The following BCL11A variants were observed in gnomAD, a reference collection of about 807,000 sequenced individuals.
The protein encoded by BCL11A is BCL11 transcription factor A, also known as B cell CLL/lymphoma 11A.
BCL11A carries 2 observed loss-of-function variants against 55.9 expected under a neutral mutation model. The observed-to-expected ratio is 0.04, with a 90% CI of 0.01 to 0.11. The LOEUF (loss-of-function observed/expected upper bound fraction) is 0.11. BCL11A is among the 10% of genes least tolerant of loss of function. BCL11A has a pLI of 1.00. For synonymous variants in BCL11A, 465 were observed against 473.4 expected, an observed-to-expected ratio of 0.98 and a Z score of 0.23; for missense variants, 817 against 1,137.1, an observed-to-expected ratio of 0.72 and a Z score of 4.05.
intron 2 of BCL11A, among the ~76,000 whole-genome samples, chr2:60,515,393 AT>A (rs1031019452): frequency 1.3e-5 from 2 of 152,210 alleles, no homozygotes; most frequent in African/African-American, 4.8e-5. Context: ...ATGAACCAGC[AT>A]TATGTTAGGC....
chr2:60,461,781 C>T lies in BCL11A; in HGVS notation c.1131G>A (p.Lys377=). The T allele has an allele frequency of 6.4e-7, 1 of 1,564,420 alleles. No homozygotes were observed. Among genetic ancestry groups the T allele is most frequent in the Non-Finnish European group, 8.7e-7 (1 of 1,153,034 alleles). ...ACGTCTTGCCGCAGAACTCGCATGA[C>T]TTGGACTTGACCGGGGGCTGGGAGG... ...PPPSQPPVKS[K]SCEFCGKTFK... Residue 377 remains lysine, a synonymous_variant, in exon 4 of 4, where the codon AAG becomes AAA. Transcript: ENST00000642384.
intron 2 of BCL11A, among the ~76,000 whole-genome samples, chr2:60,487,827 T>C (rs1678369713): frequency 6.6e-6 from 1 of 152,208 alleles, no homozygotes; most frequent in Non-Finnish European, 1.5e-5. Context: ...GAACCTTTAA[T>C]GGGAAATCTG....
intron 2 of BCL11A, among the ~76,000 whole-genome samples, chr2:60,511,736 G>C (rs1325647162): frequency 6.6e-6 from 1 of 152,192 alleles, no homozygotes; most frequent in Non-Finnish European, 1.5e-5. Context: ...GTTGAAATAA[G>C]TTGAAAATGC....
Position 60,465,350 on chromosome 2 carries a change from T to G in BCL11A, c.488-2926A>C, listed in dbSNP as rs117766994. Among the ~76,000 whole-genome samples the G allele has an allele frequency of 5.4e-4, 82 of 152,372 alleles. 2 individuals carry two copies. The East Asian group carries it at 0.013, about 23-fold the overall frequency. On this transcript the variant is annotated intron_variant, in intron 3 of 3. Coordinates refer to ENST00000642384, the MANE Select transcript of BCL11A (RefSeq NM_022893.4). ...TAATAATATTCTTCATTTACTCTGA[T>G]GAAAATCAACTTCTCAATTTGAGAG...
Position 60,546,081 on chromosome 2 carries a change from A to G in BCL11A, c.275T>C (p.Met92Thr). The change falls in exon 2 of 4, where the codon ATG becomes ACG. Residue 92 changes from methionine to threonine, a missense_variant. By Grantham distance (81) the Met-to-Thr change is moderately conservative. Transcript: ENST00000642384. The surrounding 1 kb of genome is among the most constrained non-coding windows in gnomAD (Gnocchi z 4.1). The part of the protein sequence containing the change: ...DKPPSPSPIE[M>T]KKASNPVEVG... The stretch of plus-strand genomic sequence containing the variant: ...CTCCACGGGATTGGATGCTTTTTTC[A>G]TCTCGATTGGTGAAGGGGAAGGTGG... 6.2e-7 allele frequency: 1 copy of G among 1,614,156 alleles called. No homozygotes were observed. Among genetic ancestry groups the G allele is most frequent in the South Asian group, 1.1e-5 (1 of 91,082 alleles).
At chr2:60,494,427 T>C (rs541135846) in intron 2 of BCL11A, among the ~76,000 whole-genome samples, 3 of 152,336 alleles carry the variant, frequency 2.0e-5, no homozygotes, top group Admixed American at 6.5e-5. Flanking sequence ...ATAAATCTTA[T>C]GCAATTTTTG....
At chr2:60,484,750 C>G (rs1408806072) in intron 2 of BCL11A, among the ~76,000 whole-genome samples, 1 of 151,850 alleles carries the variant, frequency 6.6e-6, no homozygotes, top group African/African-American at 2.4e-5. Context: ...TGCACATGGG[C>G]TGAGGTTTCC....
chr2:60,467,680 G>A (rs1449348387), intron 3 of BCL11A, among the ~76,000 whole-genome samples: 3 of 95,170 alleles, frequency 3.2e-5, no homozygotes, highest in Admixed American at 9.8e-5. Context: ...TGGTGATGGT[G>A]ATGGTGGTGG....
intron 2 of BCL11A, among the ~76,000 whole-genome samples, chr2:60,481,661 G>C (rs911586863): frequency 1.3e-5 from 2 of 152,020 alleles, no homozygotes; most frequent in Non-Finnish European, 2.9e-5. Context: ...TTTTCTTGAC[G>C]CTCCACCCCC....
intron 2 of BCL11A, among the ~76,000 whole-genome samples, chr2:60,540,646 C>A (rs1222440893): frequency 6.6e-6 from 1 of 152,106 alleles, no homozygotes; most frequent in African/African-American, 2.4e-5. Flanking sequence ...ATTTAGTACT[C>A]CCACATTAGC....
chr2:60,465,300 C>A (rs1175802000), intron 3 of BCL11A, among the ~76,000 whole-genome samples: 9 of 152,188 alleles, frequency 5.9e-5, no homozygotes, highest in Non-Finnish European at 1.5e-5. Context: ...ATTAGGGCTA[C>A]ATTGATTTAT....
chr2:60,529,234 A>C (rs571794169), intron 2 of BCL11A, among the ~76,000 whole-genome samples: 1 of 152,332 alleles, frequency 6.6e-6, no homozygotes, highest in South Asian at 2.1e-4. Flanking sequence ...CATAACCGTA[A>C]TAGTAATGAG....
In BCL11A at chr2:60,459,878, T is replaced by A. The variant is rs764164303; in HGVS notation, c.*526A>T. 30 of 1,048,784 alleles carry A rather than the reference T, an allele frequency of 2.9e-5. No individual in the cohort carries two copies. Among genetic ancestry groups the A allele is most frequent in the Non-Finnish European group, 3.3e-5 (29 of 868,832 alleles). The allele number at this position is 1,048,784 out of a possible 1,614,324, so 65.0% of individuals were successfully genotyped here. On this transcript the variant is annotated 3_prime_UTR_variant, in exon 4 of 4. Transcript: ENST00000642384. ...CCAAAGACTGTTTTTCCTCCTCACG[T>A]TATAAAATAAAACTGTACATGATAT...
Position 60,546,248 on chromosome 2 carries a change from C to T in BCL11A, c.108G>A (p.Leu36=), listed in dbSNP as rs749461049. The change falls in exon 2 of 4, where the codon TTG becomes TTA. Residue 36 remains leucine (L), a synonymous_variant. Coordinates refer to ENST00000642384, the MANE Select transcript of BCL11A (RefSeq NM_022893.4). The surrounding 1 kb of genome is among the most constrained non-coding windows in gnomAD (Gnocchi z 4.1). Reference sequence around the variant, plus strand: ...GGTCATGATCCCCTTCTGGAGCTCCCAACGGGCCGTGGTCTGGTTCATCAT... The same window carrying T: ...GGTCATGATCCCCTTCTGGAGCTCCTAACGGGCCGTGGTCTGGTTCATCAT... ...LTDDEPDHGP[L]GAPEGDHDLL... 2.5e-6 allele frequency: 4 copies of T among 1,614,166 alleles called. No homozygotes were observed. The East Asian group carries it at 8.9e-5, about 36-fold the overall frequency.
rs530567039 is a variant in BCL11A, at chr2:60,529,747, T to C, written c.385+16224A>G. Among the ~76,000 whole-genome samples, 3 of 152,334 alleles carry C rather than the reference T, an allele frequency of 2.0e-5. No individual in the cohort carries two copies. In the East Asian group the frequency reaches 5.8e-4, roughly 29 times the overall value. On this transcript the variant is annotated intron_variant, in intron 2 of 3. Transcript: ENST00000642384. ...CTAGCCAGGGGAAGTAAATGTGATTTTATCACATTTTATATAGATGTGCAC... is the reference window on the plus strand; with the variant it reads ...CTAGCCAGGGGAAGTAAATGTGATTCTATCACATTTTATATAGATGTGCAC...
Position 60,495,150 on chromosome 2 carries a change from C to G in BCL11A, c.386-26317G>C, listed in dbSNP as rs528550706. On this transcript the variant is annotated intron_variant, in intron 2 of 3. Transcript: ENST00000642384. ...ATCCAATTCTCCATCACCAAGAGAG[C>G]CTTCCGAAAGAGGCCCCCCTGGGCA... is the stretch of plus-strand genomic sequence containing the variant. Among the ~76,000 whole-genome samples, 25 of 152,360 alleles carry G rather than the reference C, an allele frequency of 1.6e-4. 1 individual carries two copies. The South Asian group carries it at 5.0e-3, about 30-fold the overall frequency.
At chr2:60,548,209 C>G (rs1337400301) in intron 1 of BCL11A, among the ~76,000 whole-genome samples, 1 of 151,616 alleles carries the variant, frequency 6.6e-6, no homozygotes, top group Non-Finnish European at 1.5e-5. Flanking sequence ...TTTTGTTTAG[C>G]ATTAGCTACA....
chr2:60,506,703 C>G (rs1244326511), intron 2 of BCL11A, among the ~76,000 whole-genome samples: 1 of 152,212 alleles, frequency 6.6e-6, no homozygotes, highest in African/African-American at 2.4e-5. Flanking sequence ...CTGATGACAG[C>G]CCCCCGCATG....
chr2:60,504,213 T>A (rs564721185), intron 2 of BCL11A, among the ~76,000 whole-genome samples: 1 of 152,358 alleles, frequency 6.6e-6, no homozygotes, highest in South Asian at 2.1e-4. Flanking sequence ...GGGCTCATGC[T>A]GCACTGTGGT....
Sources: allele counts gnomAD v4.1 joint callset (sites outside exome capture counted in the v4.1 genomes callset), GRCh38; gene constraint gnomAD v4.1.1; non-coding constraint Gnocchi (gnomAD v3.1); transcripts MANE v1.5; gene names NCBI Gene and HGNC (gene_info 2026-07-23, HGNC 2026-07-21).